ZMYND8: variants seen among roughly 807,000 people sequenced by gnomAD.
The protein encoded by ZMYND8 is zinc finger MYND-type containing 8.
In ZMYND8, 37 loss-of-function variants were observed where a neutral mutation model predicts 140.8. That is an observed-to-expected ratio of 0.26 (90% CI 0.20 to 0.35). The LOEUF (loss-of-function observed/expected upper bound fraction) is 0.35, where lower values mean the gene tolerates loss of function less well. ZMYND8 is among the 10% of genes least tolerant of loss of function. The probability of loss-of-function intolerance (pLI) is 1.00; values close to 1 mark genes in which losing one functional copy is unlikely to be tolerated. For synonymous variants in ZMYND8, 592 were observed against 597.1 expected, an observed-to-expected ratio of 0.99 and a Z score of 0.12; for missense variants, 1,068 against 1,570.0, an observed-to-expected ratio of 0.68 and a Z score of 5.40.
chr20:47,341,003 G>A (rs1253655941), intron 2 of ZMYND8, among the ~76,000 whole-genome samples: 2 of 152,152 alleles, frequency 1.3e-5, no homozygotes, highest in Non-Finnish European at 2.9e-5. Context: ...GAACACTGTA[G>A]ATCAGGTTAA....
intron 15 of ZMYND8, chr20:47,238,213 G>A (rs1490128643): frequency 1.8e-5 from 3 of 162,964 alleles, no homozygotes; most frequent in Admixed American, 1.8e-4. Flanking sequence ...GAACAAGGCA[G>A]GGCTGTATGT....
intron 11 of ZMYND8, among the ~76,000 whole-genome samples, chr20:47,265,838 A>C (rs1292835800): frequency 1.3e-5 from 2 of 152,248 alleles, no homozygotes; most frequent in Non-Finnish European, 2.9e-5. Context: ...TTGTTAATAA[A>C]TAAACAAGTG....
intron 1 of ZMYND8, chr20:47,349,867 G>A: frequency 6.5e-7 from 1 of 1,535,546 alleles, no homozygotes; most frequent in Non-Finnish European, 8.7e-7. Context: ...CCACTTGAAG[G>A]ATTTCTGCAG....
chr20:47,214,171 A>G (rs1335568762), intron 21 of ZMYND8, among the ~76,000 whole-genome samples: 2 of 152,210 alleles, frequency 1.3e-5, no homozygotes, highest in African/African-American at 4.8e-5. Flanking sequence ...TGTCACCAGA[A>G]AGCAAGTGCT....
chr20:47,239,010 C>T lies in ZMYND8; in HGVS notation c.2413G>A (p.Val805Ile), dbSNP rs377498368. 2 of 1,603,390 alleles carry T rather than the reference C, an allele frequency of 1.2e-6. No homozygotes were observed. Among genetic ancestry groups the T allele is most frequent in the Non-Finnish European group, 1.7e-6 (2 of 1,172,226 alleles). ...ATATTSTSST[V>I]TVTAPAPAAT... is the part of the protein sequence containing the mutation. ...GCGGGGGCCGGGGCCGTGACGGTGA[C>T]CGTGGAGGACGTGCTGGTGGTGGCT... The change falls in exon 15 of 23, where the codon GTC (valine) becomes ATC (isoleucine). Residue 805 changes from valine to isoleucine, a missense_variant. Coordinates refer to ENST00000471951, the MANE Select transcript of ZMYND8 (RefSeq NM_001281775.3).
chr20:47,277,777 T>C (rs2076348739), intron 10 of ZMYND8, among the ~76,000 whole-genome samples: 1 of 152,016 alleles, frequency 6.6e-6, no homozygotes, highest in South Asian at 2.1e-4. Flanking sequence ...TTCAAGCAAT[T>C]CTCCTGCCTC....
rs141158388 is a variant in ZMYND8, at chr20:47,315,854, T to G, written c.86-5650A>C. Among the ~76,000 whole-genome samples, 745 of 151,904 alleles carry G rather than the reference T, an allele frequency of 4.9e-3. 6 individuals carry two copies. The highest frequency in any genetic ancestry group is 0.017 in the African/African-American group (719 of 41,446). ...CTCACAACCCTCTGCCTCTCACCCA[T>G]CCCCCAAAAATGAGTGGTTCTGAAT... On this transcript the variant is annotated intron_variant, in intron 2 of 22. Coordinates refer to ENST00000471951, the MANE Select transcript of ZMYND8 (RefSeq NM_001281775.3).
chr20:47,319,096 T>TTTCTTTGCTGTGCA, intron 2 of ZMYND8: 1 of 1,282,332 alleles, frequency 7.8e-7, no homozygotes, highest in Non-Finnish European at 1.0e-6. Flanking sequence ...GAGAACAGGC[T>TTTCTTTGCTGTGCA]AAGAGTCACC....
intron 2 of ZMYND8, among the ~76,000 whole-genome samples, chr20:47,330,959 G>A (rs1488015511): frequency 6.6e-6 from 1 of 152,224 alleles, no homozygotes; most frequent in Non-Finnish European, 1.5e-5. Flanking sequence ...GGGGAGTAAG[G>A]AGAGGAAGGC....
Position 47,238,983 on chromosome 20 carries a change from C to A in ZMYND8, c.2440G>T (p.Ala814Ser). ...TGCTTTTTCACTGGGCTTCCTGTGG[C>A]GGCGGGGGCCGGGGCCGTGACGGTG... is the stretch of plus-strand genomic sequence containing the variant. Reference protein sequence around the residue: ...TVTVTAPAPAATGSPVKKQRP... With the variant: ...TVTVTAPAPASTGSPVKKQRP... The change falls in exon 15 of 23, where the codon GCC becomes TCC. Residue 814 changes from alanine to serine, a missense_variant. Ala to Ser is a moderately conservative substitution (Grantham distance 99). This residue lies in a region of ZMYND8 where 383 missense variants were observed against 431.2 expected (regional missense o/e 0.89). Transcript: ENST00000471951. 6.2e-7 allele frequency: 1 copy of A among 1,610,138 alleles called. No individual in the cohort carries two copies. The highest frequency in any genetic ancestry group is 8.5e-7 in the Non-Finnish European group (1 of 1,176,690).
chr20:47,349,809 T>C lies in ZMYND8; in HGVS notation c.15-1883A>G, dbSNP rs2082623287. 23 of 1,532,488 alleles carry C rather than the reference T, an allele frequency of 1.5e-5. 2 individuals carry two copies. Among genetic ancestry groups the C allele is most frequent in the Middle Eastern group, 1.7e-4 (1 of 6,006 alleles). 94.9% of individuals were successfully genotyped at this position (1,532,488 alleles called of 1,614,324 possible). ...ACGCTAATCTGTGATCCAACTGAAA[T>C]CTACAGTGGTGAGGGAAACAATTAT... is the stretch of plus-strand genomic sequence containing the variant. On this transcript the variant is annotated intron_variant, in intron 1 of 22. Coordinates refer to ENST00000471951, the MANE Select transcript of ZMYND8 (RefSeq NM_001281775.3).
intron 18 of ZMYND8, among the ~76,000 whole-genome samples, chr20:47,226,870 C>T (rs2037784938): frequency 6.6e-6 from 1 of 151,680 alleles, no homozygotes; most frequent in South Asian, 2.1e-4. Flanking sequence ...CCAGATTACC[C>T]AGGCTGGTCT....
At chr20:47,338,384 A>AGGG (rs1440913297) in intron 2 of ZMYND8, among the ~76,000 whole-genome samples, 1 of 152,028 alleles carries the variant, frequency 6.6e-6, no homozygotes, top group Non-Finnish European at 1.5e-5. Context: ...GTCATGTCAC[A>AGGG]GGGGAACAGA....
intron 11 of ZMYND8, among the ~76,000 whole-genome samples, chr20:47,264,640 A>G (rs73304030): frequency 0.028 from 4,270 of 150,352 alleles, 133 homozygotes; most frequent in African/African-American, 0.079. Context: ...TTGGCCTAGC[A>G]CGTGGCATGC....
chr20:47,356,379 C>T (rs1274216303), intron 1 of ZMYND8: 1 of 1,505,872 alleles, frequency 6.6e-7, no homozygotes, highest in Non-Finnish European at 8.8e-7. Flanking sequence ...TTTTGGCATA[C>T]CAGGATCTAG....
At chr20:47,350,033 G>A (rs2082643793) in intron 1 of ZMYND8, 1 of 1,453,482 alleles carries the variant, frequency 6.9e-7, no homozygotes, top group African/African-American at 1.4e-5. Context: ...GTGGCTATTT[G>A]CTTCTGAGTT....
intron 2 of ZMYND8, among the ~76,000 whole-genome samples, chr20:47,338,995 CAG>C (rs1427651041): frequency 1.4e-5 from 2 of 144,554 alleles, no homozygotes; most frequent in Admixed American, 1.4e-4. Context: ...TTTTGTGAGA[CAG>C]AGTCTCGCTC....
chr20:47,220,109 C>T, intron 21 of ZMYND8, 149 bp downstream of exon 21: 1 of 652,984 alleles, frequency 1.5e-6, no homozygotes. Flanking sequence ...ACCCCCTCAC[C>T]CCCACTGACC....
intron 12 of ZMYND8, among the ~76,000 whole-genome samples, chr20:47,250,338 G>A (rs1568991506): frequency 6.6e-6 from 1 of 152,166 alleles, no homozygotes; most frequent in African/African-American, 2.4e-5. Context: ...AAGCAACTCT[G>A]CAGGTGGGGC....
Sources: allele counts gnomAD v4.1 joint callset (sites outside exome capture counted in the v4.1 genomes callset), GRCh38; gene constraint gnomAD v4.1.1; regional missense constraint gnomAD v4.1.1; transcripts MANE v1.5; gene names NCBI Gene and HGNC (gene_info 2026-07-23, HGNC 2026-07-21).